The following ACBD6 variants were observed in gnomAD, a reference collection of about 807,000 sequenced individuals.
ACBD6 encodes the protein acyl-CoA-binding domain-containing protein 6.
ACBD6 carries 28 observed loss-of-function variants against 37.2 expected under a neutral mutation model. That is an observed-to-expected ratio of 0.75 (90% CI 0.56 to 1.03). The LOEUF (loss-of-function observed/expected upper bound fraction) is 1.03, where lower values mean the gene tolerates loss of function less well. ACBD6 is among the 50% of genes least tolerant of loss of function. The pLI, the probability that ACBD6 is intolerant of heterozygous loss-of-function variation, is 0.00. For synonymous variants in ACBD6, 113 were observed against 126.8 expected, an observed-to-expected ratio of 0.89 and a Z score of 0.73; for missense variants, 340 against 337.4, an observed-to-expected ratio of 1.01 and a Z score of -0.06.
At chr1:180,271,349 G>GA in exon 14 of ACBD6, 1 of 1,613,930 alleles carries the variant, frequency 6.2e-7, no homozygotes, top group East Asian at 2.2e-5. Flanking sequence ...CAGATAGGCC[G>GA]AAGCCAGTAA....
chr1:180,396,763 T>A (rs1654275852), intron 6 of ACBD6, among the ~76,000 whole-genome samples: 1 of 152,182 alleles, frequency 6.6e-6, no homozygotes, highest in Non-Finnish European at 1.5e-5. Context: ...TCATACCCAC[T>A]AAAATAGTTA....
At chr1:180,362,752 A>G (rs1031581203) in intron 6 of ACBD6, among the ~76,000 whole-genome samples, 8 of 152,230 alleles carry the variant, frequency 5.3e-5, no homozygotes, top group Non-Finnish European at 1.5e-5. Context: ...TGGTAAAAAT[A>G]CTACTAATTT....
intron 1 of ACBD6, among the ~76,000 whole-genome samples, chr1:180,500,911 C>A (rs73048301): frequency 0.039 from 5,974 of 151,526 alleles, 330 homozygotes; most frequent in African/African-American, 0.11. Flanking sequence ...TGCTTCTCTG[C>A]ATTCTCTGTA....
rs10632390 is a variant in ACBD6, at chr1:180,318,175, C to CCCA, written c.664-3454_664-3453insTGG. On this transcript the variant is annotated intron_variant, in intron 6 of 7. Transcript: ENST00000367595. ...AGATTCCATCTCCGCCCCCCCCCCC[C>CCCA]AAAAAAAAAAGAAAGAAAGAAAAAA... Among the ~76,000 whole-genome samples the CCCA allele has an allele frequency of 6.9e-4, 71 of 102,774 alleles. 4 individuals are homozygous for CCCA. Among genetic ancestry groups the CCCA allele is most frequent in the East Asian group, 6.9e-3 (27 of 3,938 alleles). 67.4% of individuals were successfully genotyped at this position (102,774 alleles called of 152,430 possible).
Position 180,472,919 on chromosome 1 carries a change from T to A in ACBD6, c.384+19350A>T, listed in dbSNP as rs114644864. Among the ~76,000 whole-genome samples, 784 of 152,116 alleles carry A rather than the reference T, an allele frequency of 5.2e-3. 4 individuals are homozygous for A. The highest frequency in any genetic ancestry group is 0.017 in the African/African-American group (725 of 41,508). The stretch of plus-strand genomic sequence containing the variant: ...TCACCCCCTAGTTTTGCAACACAAA[T>A]AGATATGAAAACAAAGACTATACAG... On this transcript the variant is annotated intron_variant, in intron 3 of 7. Transcript: ENST00000367595.
chr1:180,275,673 A>AATT (rs1393226690), intron 9 of ACBD6: 35 of 152,176 alleles, frequency 2.3e-4, no homozygotes, highest in Admixed American at 2.3e-3. Flanking sequence ...AGGAACCAGC[A>AATT]ATTTTTTTTT....
intron 6 of ACBD6, among the ~76,000 whole-genome samples, chr1:180,371,978 C>A (rs1334816692): frequency 1.3e-5 from 2 of 152,136 alleles, no homozygotes; most frequent in East Asian, 3.8e-4. Flanking sequence ...ATTCCTTTCC[C>A]CACAGTCACG....
intron 6 of ACBD6, among the ~76,000 whole-genome samples, chr1:180,375,717 A>G (rs1653406235): frequency 6.6e-6 from 1 of 152,242 alleles, no homozygotes; most frequent in Non-Finnish European, 1.5e-5. Context: ...CATACATTTC[A>G]GAATCTAAGT....
intron 5 of ACBD6, among the ~76,000 whole-genome samples, chr1:180,405,604 AAAC>A (rs1366337308): frequency 6.6e-6 from 1 of 152,202 alleles, no homozygotes; most frequent in Non-Finnish European, 1.5e-5. Flanking sequence ...ATTTGATCTA[AAAC>A]ATTTAAATTA....
exon 14 of ACBD6, chr1:180,271,547 C>T: frequency 6.2e-7 from 1 of 1,613,922 alleles, no homozygotes. Flanking sequence ...GAGATGCCAG[C>T]ACTCCTGTGC....
intron 7 of ACBD6, among the ~76,000 whole-genome samples, chr1:180,304,121 C>G (rs2149285425): frequency 6.6e-6 from 1 of 150,870 alleles, no homozygotes; most frequent in African/African-American, 2.4e-5. Flanking sequence ...ATAATAAGAG[C>G]TATCTATGAC....
intron 8 of ACBD6, among the ~76,000 whole-genome samples, chr1:180,282,869 C>T (rs949863315): frequency 1.3e-5 from 2 of 151,678 alleles, no homozygotes; most frequent in African/African-American, 2.4e-5. Context: ...CTTTCTGTAT[C>T]GGTAGTTAAA....
intron 6 of ACBD6, among the ~76,000 whole-genome samples, chr1:180,387,626 G>T (rs1037986571): frequency 1.3e-5 from 2 of 152,206 alleles, no homozygotes; most frequent in African/African-American, 4.8e-5. Context: ...ATGGGGAAGA[G>T]AAGCACTGCT....
rs112714126 is a variant in ACBD6, at chr1:180,291,539, T to C, written c.695-3022A>G. Among the ~76,000 whole-genome samples the C allele has an allele frequency of 3.3e-3, 499 of 152,318 alleles. 1 individual carries two copies. The highest frequency in any genetic ancestry group is 0.011 in the African/African-American group (468 of 41,576). On this transcript the variant is annotated intron_variant, in intron 7 of 7. Coordinates refer to ENST00000367595, the MANE Select transcript of ACBD6 (RefSeq NM_032360.4). ...TGATTTATCTGTTCAAATCTTTTGT[T>C]CATTTGTTAATAAGGTTGTCATTTT...
intron 6 of ACBD6, among the ~76,000 whole-genome samples, chr1:180,361,872 T>C (rs2101904175): frequency 6.6e-6 from 1 of 152,336 alleles, no homozygotes; most frequent in South Asian, 2.1e-4. Flanking sequence ...CTGTATTTAT[T>C]GAACATTCTA....
intron 6 of ACBD6, among the ~76,000 whole-genome samples, chr1:180,338,055 C>G (rs540312804): frequency 1.3e-5 from 2 of 151,502 alleles, no homozygotes; most frequent in Admixed American, 1.3e-4. Flanking sequence ...AACATCCAAA[C>G]AAATGCTCAT....
At chr1:180,396,678 C>T (rs760947197) in intron 6 of ACBD6, among the ~76,000 whole-genome samples, 1 of 151,924 alleles carries the variant, frequency 6.6e-6, no homozygotes, top group African/African-American at 2.4e-5. Flanking sequence ...AGTCAACAAG[C>T]GTATGAAAAG....
chr1:180,459,228 A>G (rs1034587246), intron 3 of ACBD6, among the ~76,000 whole-genome samples: 4 of 152,200 alleles, frequency 2.6e-5, no homozygotes, highest in Non-Finnish European at 5.9e-5. Flanking sequence ...GTTCAACTTA[A>G]TGTTTCTAAA....
chr1:180,286,440 T>TA (rs543090862), downstream of ACBD6, among the ~76,000 whole-genome samples: 36 of 152,284 alleles, frequency 2.4e-4, no homozygotes, highest in East Asian at 5.8e-3. Context: ...CCCTGTAAAT[T>TA]AAAAATGAAT....
Sources: allele counts gnomAD v4.1 joint callset (sites outside exome capture counted in the v4.1 genomes callset), GRCh38; gene constraint gnomAD v4.1.1; transcripts MANE v1.5; gene names NCBI Gene and HGNC (gene_info 2026-07-23, HGNC 2026-07-21).